Variants in PI4KA observed in about 807,000 individuals in gnomAD.
PI4KA encodes PI4-kinase alpha.
Under a neutral mutation model 271.4 loss-of-function variants are expected in PI4KA, and 122 were observed. That is an observed-to-expected ratio of 0.45 (90% confidence interval 0.39 to 0.52). The LOEUF (loss-of-function observed/expected upper bound fraction) is 0.52. Among genes scored for constraint, PI4KA ranks in the 20% least tolerant of loss-of-function variants. PI4KA has a pLI of 0.00. For missense variants in PI4KA, 1,969 were observed against 2,769.1 expected (o/e 0.71, Z 6.48); for synonymous variants, 1,041 against 1,078.8 (o/e 0.96, Z 0.69).
At chr22:20,740,897 C>T (rs1355729859) in intron 32 of PI4KA, among the ~76,000 whole-genome samples, 1 of 152,112 alleles carries the variant, frequency 6.6e-6, no homozygotes, top group Non-Finnish European at 1.5e-5. Flanking sequence ...TGAAGGTGAA[C>T]TAAGATGAGA....
intron 19 of PI4KA, among the ~76,000 whole-genome samples, chr22:20,790,252 T>C (rs1165663385): frequency 2.0e-5 from 3 of 152,168 alleles, no homozygotes; most frequent in Non-Finnish European, 4.4e-5. Context: ...AACCCAGGCT[T>C]CCTGCCCCAA....
intron 23 of PI4KA, 29 bp from the exon 24 acceptor site, chr22:20,753,209 G>A (rs1331640920): frequency 3.8e-6 from 6 of 1,592,406 alleles, no homozygotes; most frequent in African/African-American, 1.3e-5. Context: ...CATGGATAAG[G>A]TGCAGCAACA....
chr22:20,741,288 C>T (rs1048859142), intron 32 of PI4KA, among the ~76,000 whole-genome samples: 10 of 152,188 alleles, frequency 6.6e-5, no homozygotes, highest in African/African-American at 2.2e-4. Context: ...CACTAGGATG[C>T]AGGTGCTCTT....
chr22:20,751,201 G>A (rs1453925779), intron 27 of PI4KA, 92 bp downstream of exon 27: 1 of 1,003,464 alleles, frequency 1.0e-6, no homozygotes, highest in Non-Finnish European at 1.5e-6. Flanking sequence ...GCTGGGGACT[G>A]GGTGAGCTCA....
At chr22:20,731,968 C>T (rs1431542976) in intron 36 of PI4KA, among the ~76,000 whole-genome samples, 2 of 146,136 alleles carry the variant, frequency 1.4e-5, no homozygotes, top group African/African-American at 2.6e-5. Flanking sequence ...GCGCGGAGAT[C>T]GAGACCATCC....
At chr22:20,747,776 C>T in intron 28 of PI4KA, 74 bp from the exon 29 acceptor site, 1 of 1,485,940 alleles carries the variant, frequency 6.7e-7, no homozygotes, top group Non-Finnish European at 9.3e-7. Context: ...GCTCTGTCAC[C>T]CAGGCTGGAG....
At chr22:20,776,187 G>C (rs928879904) in intron 19 of PI4KA, among the ~76,000 whole-genome samples, 1 of 152,138 alleles carries the variant, frequency 6.6e-6, no homozygotes, top group Non-Finnish European at 1.5e-5. Context: ...ACTGGGTTTG[G>C]TGGCACACAC....
rs148107742 is a variant in PI4KA, at chr22:20,763,871, G to A, written c.2708+946C>T. 1.7e-3 allele frequency among the ~76,000 whole-genome samples: 252 copies of A among 152,308 alleles called. 1 individual carries two copies. The highest frequency in any genetic ancestry group is 5.8e-3 in the African/African-American group (242 of 41,560). ...AGCCCCGGGCTGAGGGCAGGGAGGAGGAGACTGAGCAGGAGGGTAGGGTGC... is the reference window on the plus strand; with the variant it reads ...AGCCCCGGGCTGAGGGCAGGGAGGAAGAGACTGAGCAGGAGGGTAGGGTGC... On this transcript the variant is annotated intron_variant, in intron 22 of 54. Coordinates refer to ENST00000255882, the MANE Select transcript of PI4KA (RefSeq NM_058004.4).
intron 2 of PI4KA, among the ~76,000 whole-genome samples, chr22:20,837,367 A>T (rs1042200857): frequency 1.4e-5 from 2 of 138,066 alleles, no homozygotes; most frequent in African/African-American, 2.8e-5. Flanking sequence ...ATAGAGTGAC[A>T]CTCTAAGAAT....
In PI4KA at chr22:20,856,974, T is replaced by C. The variant is rs918158919; in HGVS notation, c.156+1596A>G. On this transcript the variant is annotated intron_variant, in intron 1 of 54. Coordinates refer to ENST00000255882, the MANE Select transcript of PI4KA (RefSeq NM_058004.4). ...CCTCCCAGAATCCAGCAATCAGTCATAAGATATATTTGTTGGCTCTCCTGC... is the reference window on the plus strand; with the variant it reads ...CCTCCCAGAATCCAGCAATCAGTCACAAGATATATTTGTTGGCTCTCCTGC... Among the ~76,000 whole-genome samples the C allele has an allele frequency of 3.6e-4, 55 of 152,174 alleles. 1 individual carries two copies. The highest frequency in any genetic ancestry group is 6.9e-4 in the Non-Finnish European group (47 of 68,030).
chr22:20,807,788 G>A (rs1935752751), intron 9 of PI4KA, among the ~76,000 whole-genome samples: 2 of 152,148 alleles, frequency 1.3e-5, no homozygotes, highest in South Asian at 4.1e-4. Flanking sequence ...GGTGAAGGAG[G>A]AAGACTGACA....
intron 3 of PI4KA, among the ~76,000 whole-genome samples, chr22:20,828,487 G>T (rs917394851): frequency 2.6e-5 from 4 of 152,088 alleles, no homozygotes; most frequent in African/African-American, 9.7e-5. Context: ...TGATGGCTAT[G>T]GGTTTGTCAT....
chr22:20,782,040 T>C (rs141025857), intron 19 of PI4KA, among the ~76,000 whole-genome samples: 113 of 152,346 alleles, frequency 7.4e-4, no homozygotes, highest in Admixed American at 1.0e-3. Flanking sequence ...ATATTGTTAG[T>C]GACATTTATT....
At chr22:20,843,429 A>C (rs1488275700) in intron 1 of PI4KA, among the ~76,000 whole-genome samples, 1 of 113,940 alleles carries the variant, frequency 8.8e-6, no homozygotes. Flanking sequence ...TGAGCCTAGC[A>C]GGTTAAGGCT....
intron 19 of PI4KA, among the ~76,000 whole-genome samples, chr22:20,786,713 A>G (rs568614527): frequency 6.6e-6 from 1 of 152,246 alleles, no homozygotes; most frequent in African/African-American, 2.4e-5. Flanking sequence ...GCTGCCCCTG[A>G]CAGGTGGTGA....
chr22:20,821,980 T>C (rs1453886387), intron 4 of PI4KA, among the ~76,000 whole-genome samples: 1 of 152,176 alleles, frequency 6.6e-6, no homozygotes. Flanking sequence ...CAAAACCCTG[T>C]CTCTACAAAA....
At chr22:20,734,663 A>T (rs1426311833) in intron 32 of PI4KA, 110 bp from the exon 33 acceptor site, 5 of 1,144,724 alleles carry the variant, frequency 4.4e-6, no homozygotes, top group Non-Finnish European at 6.3e-6. Context: ...AAGATTTAGA[A>T]ACCAAGAAAA....
intron 19 of PI4KA, among the ~76,000 whole-genome samples, chr22:20,781,937 G>A (rs1315401009): frequency 6.6e-6 from 1 of 152,200 alleles, no homozygotes; most frequent in Non-Finnish European, 1.5e-5. Context: ...ATAAGCGATG[G>A]CAATGCAACA....
intron 43 of PI4KA, among the ~76,000 whole-genome samples, chr22:20,720,000 T>G (rs1397087051): frequency 1.7e-5 from 2 of 120,840 alleles, no homozygotes; most frequent in African/African-American, 6.6e-5. Context: ...CACTCCAGCC[T>G]GGGCGACTAA....
Sources: gnomAD v4.1 joint callset for allele counts (sites outside exome capture counted in the v4.1 genomes callset) on GRCh38, gnomAD v4.1.1 for gene constraint, MANE v1.5 for transcripts, NCBI Gene and HGNC (gene_info 2026-07-23, HGNC 2026-07-21) for gene names.